ARHGEF10: variants seen among roughly 807,000 people sequenced by gnomAD.
ARHGEF10 encodes Rho guanine nucleotide exchange factor 10.
Under a neutral mutation model 147.4 loss-of-function variants are expected in ARHGEF10, and 140 were observed. That is an observed-to-expected ratio of 0.95 (90% CI 0.83 to 1.09). The LOEUF is 1.09. Among genes scored for constraint, ARHGEF10 ranks in the 50% least tolerant of loss-of-function variants. The pLI is 0.00. For missense variants in ARHGEF10, 2,222 were observed against 1,752.7 expected (o/e 1.27, Z -4.78); for synonymous variants, 902 against 695.8 (o/e 1.30, Z -4.67).
chr8:1,928,980 C>G (rs1402346899), intron 24 of ARHGEF10, among the ~76,000 whole-genome samples: 2 of 152,156 alleles, frequency 1.3e-5, no homozygotes, highest in Non-Finnish European at 2.9e-5. Context: ...CAGCCATATT[C>G]TATGTCATGA....
chr8:1,829,921 A>G (rs1802986306), intron 1 of ARHGEF10, among the ~76,000 whole-genome samples: 2 of 152,298 alleles, frequency 1.3e-5, no homozygotes, highest in African/African-American at 4.8e-5. Flanking sequence ...GAAGGAATGA[A>G]AGGTGCAGCG....
intron 19 of ARHGEF10, 174 bp downstream of exon 19, chr8:1,923,253 T>C (rs1482177478): frequency 1.1e-6 from 1 of 889,986 alleles, no homozygotes; most frequent in Admixed American, 2.7e-5. Context: ...AATGGTAACT[T>C]TTCTTCATTT....
At chr8:1,888,823 ATGAGGAGACACTGAATAGGGTGAGGT>A (rs1563236248) in intron 11 of ARHGEF10, among the ~76,000 whole-genome samples, 13 of 22,078 alleles carry the variant, frequency 5.9e-4, no homozygotes, top group African/African-American at 2.3e-3. Context: ...GGTGAGAGTT[ATGAGGAGACACTGAATAGGGTGAGGT>A]TTGTGAGGAG....
chr8:1,890,207 G>A (rs1316248919), intron 11 of ARHGEF10, among the ~76,000 whole-genome samples: 2 of 132,090 alleles, frequency 1.5e-5, no homozygotes, highest in South Asian at 5.3e-4. Context: ...GGTGAGGGTT[G>A]TGAAGAGACA....
chr8:1,882,590 G>A (rs1461318106), intron 9 of ARHGEF10, 45 bp from the exon 10 acceptor site: 2 of 1,470,294 alleles, frequency 1.4e-6, no homozygotes, highest in South Asian at 2.4e-5. Flanking sequence ...AGTCGCAGGT[G>A]GGTTCTGCCG....
rs532814701 is a variant in ARHGEF10 at position 1,913,135 on chromosome 8, G to T, written c.2143+3665G>T. Reference sequence around the variant, plus strand: ...AGGTCTGGTACTAAGTAGGAGTTGTGGGGGTGGGTGGGGAGGTGGCGCATA... The same window carrying T: ...AGGTCTGGTACTAAGTAGGAGTTGTTGGGGTGGGTGGGGAGGTGGCGCATA... On this transcript the variant is annotated intron_variant, in intron 18 of 28. Transcript: ENST00000349830. Among the ~76,000 whole-genome samples, 31 of 152,260 alleles carry T rather than the reference G, an allele frequency of 2.0e-4. No homozygotes were observed. In the South Asian group the frequency reaches 5.8e-3, roughly 29 times the overall value.
intron 27 of ARHGEF10, among the ~76,000 whole-genome samples, chr8:1,951,983 C>G (rs1274467143): frequency 2.5e-4 from 5 of 20,176 alleles, no homozygotes; most frequent in Non-Finnish European, 4.4e-4. Context: ...GGCCATGCGT[C>G]TCCCACATTG....
intron 8 of ARHGEF10, 55 bp from the exon 9 acceptor site, chr8:1,879,993 C>T: frequency 7.9e-7 from 1 of 1,268,340 alleles, no homozygotes; most frequent in Non-Finnish European, 1.2e-6. Context: ...TAAAATTGTC[C>T]CAAAGAACCA....
Position 1,842,441 on chromosome 8 carries a change from C to A in ARHGEF10, c.-47-912C>A, listed in dbSNP as rs558653129. ...GCCTGCCATCCCCTCGCGTTCCCCT[C>A]ATTGAATAGTACGTGAGGCCGGTGA... On this transcript the variant is annotated intron_variant, in intron 1 of 28. Transcript: ENST00000349830. 5.3e-5 allele frequency among the ~76,000 whole-genome samples: 8 copies of A among 152,328 alleles called. No individual in the cohort carries two copies. The South Asian group carries it at 1.7e-3, about 32-fold the overall frequency.
intron 14 of ARHGEF10, among the ~76,000 whole-genome samples, chr8:1,897,094 G>T (rs1810039082): frequency 6.6e-6 from 1 of 152,244 alleles, no homozygotes; most frequent in African/African-American, 2.4e-5. Flanking sequence ...CGGCGGAACT[G>T]AGTCTCCTTT....
At chr8:1,829,041 C>T (rs921399733) in intron 1 of ARHGEF10, among the ~76,000 whole-genome samples, 1 of 152,236 alleles carries the variant, frequency 6.6e-6, no homozygotes, top group Non-Finnish European at 1.5e-5. Flanking sequence ...GGGGAGTCCT[C>T]GAGCTTTGGA....
intron 21 of ARHGEF10, among the ~76,000 whole-genome samples, chr8:1,924,999 A>G (rs1812576666): frequency 6.6e-6 from 1 of 152,254 alleles, no homozygotes; most frequent in African/African-American, 2.4e-5. Flanking sequence ...TGGTTTATAC[A>G]GCGACGTTTG....
intron 26 of ARHGEF10, among the ~76,000 whole-genome samples, chr8:1,935,062 T>C (rs747413737): frequency 8.5e-5 from 13 of 152,200 alleles, no homozygotes; most frequent in Non-Finnish European, 1.9e-4. Flanking sequence ...CATACACATA[T>C]AACTTAGCCT....
intron 1 of ARHGEF10, among the ~76,000 whole-genome samples, chr8:1,833,349 G>A (rs796701246): frequency 0.44 from 62,701 of 143,746 alleles, 14,544 homozygotes; most frequent in Middle Eastern, 0.55. Context: ...CAGAGACAGA[G>A]GCAGAGAGAG....
chr8:1,862,939 C>T (rs1478851710), intron 4 of ARHGEF10, among the ~76,000 whole-genome samples: 5 of 151,670 alleles, frequency 3.3e-5, no homozygotes, highest in South Asian at 4.2e-4. Context: ...CCACCACGCC[C>T]GGCTAATTTT....
At chr8:1,922,878 T>C (rs1464806948) in intron 18 of ARHGEF10, 86 bp from the exon 19 acceptor site, 1 of 908,504 alleles carries the variant, frequency 1.1e-6, no homozygotes, top group Non-Finnish European at 1.8e-6. Context: ...AATTATTTAG[T>C]ATTTGAGTCT....
At chr8:1,889,495 C>A (rs55794569) in intron 11 of ARHGEF10, among the ~76,000 whole-genome samples, 14 of 21,046 alleles carry the variant, frequency 6.7e-4, no homozygotes, top group African/African-American at 3.9e-3. Flanking sequence ...GGTGAGGGGT[C>A]TGTGAGGAGA....
intron 17 of ARHGEF10, among the ~76,000 whole-genome samples, chr8:1,907,479 G>T (rs1004902918): frequency 1.3e-5 from 2 of 152,168 alleles, no homozygotes; most frequent in East Asian, 3.9e-4. Flanking sequence ...AATGGTCCTT[G>T]TTGAGTCTTT....
rs75302119 is a variant in ARHGEF10, at chr8:1,885,878, C to A, written c.1182+171C>A. 5.5e-3 allele frequency among the ~76,000 whole-genome samples: 837 copies of A among 152,310 alleles called. 7 individuals carry two copies. The highest frequency in any genetic ancestry group is 0.019 in the African/African-American group (780 of 41,570). ...GCACTTAGAGGCTTACTGCTGGGCT[C>A]AGCAAGGGTCTGGGGGGACGCTGGT... On this transcript the variant is annotated intron_variant, in intron 11 of 28. Coordinates refer to ENST00000349830, the MANE Select transcript of ARHGEF10 (RefSeq NM_014629.4).
Sources: allele counts gnomAD v4.1 joint callset (sites outside exome capture counted in the v4.1 genomes callset), GRCh38; gene constraint gnomAD v4.1.1; transcripts MANE v1.5; gene names NCBI Gene and HGNC (gene_info 2026-07-23, HGNC 2026-07-21).